FARS2: variants seen among roughly 807,000 people sequenced by gnomAD.
FARS2 encodes phenylalanyl-tRNA synthetase 2, mitochondrial.
A neutral mutation model predicts 46.4 loss-of-function variants in FARS2; 40 were observed. The observed-to-expected ratio is 0.86, with a 90% CI of 0.67 to 1.12. FARS2 has a LOEUF of 1.12. Among genes scored for constraint, FARS2 ranks in the 50% most tolerant of loss-of-function variants. The probability of loss-of-function intolerance (pLI) is 0.00; values close to 1 mark genes in which losing one functional copy is unlikely to be tolerated. For synonymous variants in FARS2, 234 were observed against 214.9 expected (o/e 1.09, Z -0.78); for missense variants, 513 against 567.9 (o/e 0.90, Z 0.98).
intron 2 of FARS2, among the ~76,000 whole-genome samples, chr6:5,391,244 T>C (rs896684545): frequency 6.6e-6 from 1 of 152,104 alleles, no homozygotes; most frequent in Admixed American, 6.6e-5. Flanking sequence ...GACTTGGAGA[T>C]TTTGGGTTGA....
intron 6 of FARS2, among the ~76,000 whole-genome samples, chr6:5,663,423 C>T (rs1164613568): frequency 6.6e-6 from 1 of 152,232 alleles, no homozygotes; most frequent in African/African-American, 2.4e-5. Flanking sequence ...TTATTCAAAG[C>T]TGCTCTGTGC....
chr6:5,369,220 A>G (rs1432229100), intron 2 of FARS2, 38 bp downstream of exon 2: 4 of 1,582,774 alleles, frequency 2.5e-6, no homozygotes, highest in South Asian at 1.1e-5. Context: ...GAAGGATGTC[A>G]TAGACATTTT....
At chr6:5,495,931 C>G (rs368335089) in intron 4 of FARS2, among the ~76,000 whole-genome samples, 1 of 152,176 alleles carries the variant, frequency 6.6e-6, no homozygotes, top group Admixed American at 6.5e-5. Flanking sequence ...TTCAGTATCA[C>G]GATGCCCTGC....
chr6:5,530,320 A>G (rs1276837321), intron 4 of FARS2, among the ~76,000 whole-genome samples: 1 of 152,288 alleles, frequency 6.6e-6, no homozygotes, highest in East Asian at 1.9e-4. Context: ...ATGTCTTATA[A>G]GATAAAGGAA....
chr6:5,511,134 A>G (rs1036489653), intron 4 of FARS2, among the ~76,000 whole-genome samples: 8 of 152,230 alleles, frequency 5.3e-5, no homozygotes, highest in Non-Finnish European at 1.0e-4. Context: ...CGTTTAGTCA[A>G]ACCAGCACAT....
chr6:5,591,046 T>C (rs1017107668), intron 5 of FARS2, among the ~76,000 whole-genome samples: 1 of 152,206 alleles, frequency 6.6e-6, no homozygotes, highest in African/African-American at 2.4e-5. Context: ...AGAAAATAAG[T>C]ATAAGTGCAA....
chr6:5,342,372 G>A (rs1326022538), intron 1 of FARS2, among the ~76,000 whole-genome samples: 1 of 152,142 alleles, frequency 6.6e-6, no homozygotes, highest in East Asian at 1.9e-4. Context: ...TTCTAAAAAT[G>A]AACAGAAATG....
At chr6:5,307,521 G>T (rs187136794) in intron 1 of FARS2, among the ~76,000 whole-genome samples, 5 of 152,064 alleles carry the variant, frequency 3.3e-5, no homozygotes, top group Non-Finnish European at 7.3e-5. Flanking sequence ...AATTTCCGTC[G>T]TATCATATTG....
At chr6:5,729,883 C>T (rs1478752255) in intron 6 of FARS2, among the ~76,000 whole-genome samples, 2 of 152,190 alleles carry the variant, frequency 1.3e-5, no homozygotes, top group Non-Finnish European at 2.9e-5. Context: ...CCAGATTATT[C>T]TTTATCATGG....
chr6:5,720,043 G>T (rs1759786949), intron 6 of FARS2, among the ~76,000 whole-genome samples: 1 of 151,664 alleles, frequency 6.6e-6, no homozygotes, highest in Admixed American at 6.6e-5. Context: ...TGTTTAAATG[G>T]TAGTTAGTCT....
intron 4 of FARS2, among the ~76,000 whole-genome samples, chr6:5,533,357 A>G (rs1438996829): frequency 6.6e-6 from 1 of 152,260 alleles, no homozygotes. Context: ...ACAAAATTAA[A>G]GAAAGTCATC....
At chr6:5,587,103 C>T (rs1773657248) in intron 5 of FARS2, among the ~76,000 whole-genome samples, 1 of 152,194 alleles carries the variant, frequency 6.6e-6, no homozygotes, top group Admixed American at 6.5e-5. Context: ...TGTACTGTCA[C>T]TTACTGGGTT....
intron 5 of FARS2, among the ~76,000 whole-genome samples, chr6:5,558,024 C>T (rs1361454457): frequency 6.6e-6 from 1 of 151,946 alleles, no homozygotes; most frequent in African/African-American, 2.4e-5. Flanking sequence ...TACCAAGGAA[C>T]TCTCAAATGT....
At chr6:5,688,405 C>A (rs1271815660) in intron 6 of FARS2, among the ~76,000 whole-genome samples, 2 of 152,134 alleles carry the variant, frequency 1.3e-5, no homozygotes. Context: ...GAGTTTTTAG[C>A]ATGAAGTGTT....
chr6:5,281,854 T>C (rs552080184), intron 1 of FARS2, among the ~76,000 whole-genome samples: 2 of 152,292 alleles, frequency 1.3e-5, no homozygotes, highest in Non-Finnish European at 2.9e-5. Flanking sequence ...TAGTCAGTGC[T>C]CCTAGCCATC....
chr6:5,275,128 C>T (rs1032673639), intron 1 of FARS2, among the ~76,000 whole-genome samples: 10 of 152,226 alleles, frequency 6.6e-5, no homozygotes, highest in South Asian at 4.1e-4. Flanking sequence ...TTGCTGGTTG[C>T]GAATCACTGG....
At chr6:5,739,827 G>A (rs576771825) in intron 6 of FARS2, among the ~76,000 whole-genome samples, 1 of 152,314 alleles carries the variant, frequency 6.6e-6, no homozygotes, top group African/African-American at 2.4e-5. Flanking sequence ...AAAGGCAGGG[G>A]AGTTGACCTG....
intron 5 of FARS2, among the ~76,000 whole-genome samples, chr6:5,568,140 G>A (rs761155695): frequency 3.7e-4 from 56 of 152,216 alleles, no homozygotes; most frequent in Non-Finnish European, 6.6e-4. Context: ...CCCCCTTTCT[G>A]TCTGTGTCTC....
chr6:5,764,941 T>A lies in FARS2; in HGVS notation c.1218-6350T>A, dbSNP rs1762672910. 6.6e-6 allele frequency among the ~76,000 whole-genome samples: 1 copy of A among 152,242 alleles called. No homozygotes were observed. Among genetic ancestry groups the A allele is most frequent in the Admixed American group, 6.5e-5 (1 of 15,278 alleles). ...TTTGAACTGGAGAGCAGTGACACTCTTGGCAGTGCTTTTGGTACTTGTTAG... is the reference window on the plus strand; with the variant it reads ...TTTGAACTGGAGAGCAGTGACACTCATGGCAGTGCTTTTGGTACTTGTTAG... On this transcript the variant is annotated intron_variant, in intron 6 of 6. Transcript: ENST00000274680. The surrounding 1 kb of genome is among the most constrained non-coding windows in gnomAD (Gnocchi z 4.1).
Sources: gnomAD v4.1 joint callset for allele counts (sites outside exome capture counted in the v4.1 genomes callset) on GRCh38, gnomAD v4.1.1 for gene constraint, Gnocchi (gnomAD v3.1) non-coding constraint, MANE v1.5 for transcripts, NCBI Gene and HGNC (gene_info 2026-07-23, HGNC 2026-07-21) for gene names.